OSBPL8: variants seen among roughly 807,000 people sequenced by gnomAD.
OSBPL8 encodes the protein oxysterol-binding protein-related protein 8.
A neutral mutation model predicts 125.5 loss-of-function variants in OSBPL8; 59 were observed. The ratio of observed to expected loss-of-function variants is 0.47; its 90% CI spans 0.38 to 0.58. The LOEUF is 0.58. Ranked by LOEUF, OSBPL8 falls within the 20% of genes least tolerant of loss-of-function variation. The pLI, the probability that OSBPL8 is intolerant of heterozygous loss-of-function variation, is 0.00. For missense variants in OSBPL8, 758 were observed against 1,047.8 expected, an observed-to-expected ratio of 0.72 and a Z score of 3.82; for synonymous variants, 330 against 338.9, an observed-to-expected ratio of 0.97 and a Z score of 0.29.
chr12:76,475,787 A>G (rs1460072131), intron 2 of OSBPL8, among the ~76,000 whole-genome samples: 3 of 152,208 alleles, frequency 2.0e-5, no homozygotes, highest in African/African-American at 7.2e-5. Context: ...GTTGGAAGCC[A>G]GCCATCTTTC....
intron 2 of OSBPL8, among the ~76,000 whole-genome samples, chr12:76,465,217 G>A (rs1875261260): frequency 6.6e-6 from 1 of 152,248 alleles, no homozygotes; most frequent in East Asian, 1.9e-4. Flanking sequence ...ATTTGATCCA[G>A]CAATTCCCCT....
At chr12:76,504,190 T>C (rs867367263) in intron 1 of OSBPL8, among the ~76,000 whole-genome samples, 9 of 152,146 alleles carry the variant, frequency 5.9e-5, no homozygotes, top group Admixed American at 2.0e-4. Flanking sequence ...TCCAGCCTGT[T>C]GACCTACCCT....
intron 4 of OSBPL8, among the ~76,000 whole-genome samples, chr12:76,424,832 T>C (rs1312627515): frequency 2.0e-5 from 3 of 152,128 alleles, no homozygotes; most frequent in African/African-American, 7.2e-5. Flanking sequence ...AAAAGGGGTA[T>C]TTTAAAAAAA....
chr12:76,508,919 G>C (rs1276998293), intron 1 of OSBPL8, among the ~76,000 whole-genome samples: 1 of 152,142 alleles, frequency 6.6e-6, no homozygotes, highest in African/African-American at 2.4e-5. Context: ...AGTATAAGTA[G>C]ATGAGCAGCC....
In OSBPL8 at chr12:76,505,779, G is replaced by A. The variant is rs558800089; in HGVS notation, c.-67-18161C>T. On this transcript the variant is annotated intron_variant, in intron 1 of 23. Coordinates refer to ENST00000261183, the MANE Select transcript of OSBPL8 (RefSeq NM_020841.5). The stretch of plus-strand genomic sequence containing the variant: ...AATAGCAAAGAGACTACTGTGGCAA[G>A]TGGAATAGGGAACAGTAGTGAGCAA... Among the ~76,000 whole-genome samples, 304 of 152,256 alleles carry A rather than the reference G, an allele frequency of 2.0e-3. 2 individuals carry two copies. Among genetic ancestry groups the A allele is most frequent in the African/African-American group, 7.0e-3 (289 of 41,538 alleles).
chr12:76,533,121 T>C (rs969140498), intron 1 of OSBPL8, among the ~76,000 whole-genome samples: 37 of 152,176 alleles, frequency 2.4e-4, no homozygotes, highest in Non-Finnish European at 1.3e-4. Flanking sequence ...GTAAAATCAA[T>C]GTCAGACATA....
chr12:76,483,451 C>T (rs1877763352), intron 2 of OSBPL8, among the ~76,000 whole-genome samples: 1 of 150,572 alleles, frequency 6.6e-6, no homozygotes. Flanking sequence ...GTAATCCCAG[C>T]TACTCGGGAG....
chr12:76,383,886 T>C (rs915062080), intron 15 of OSBPL8, among the ~76,000 whole-genome samples: 3 of 152,162 alleles, frequency 2.0e-5, no homozygotes, highest in Non-Finnish European at 4.4e-5. Context: ...ATCGTAACCA[T>C]ACTTGGATTC....
At chr12:76,493,401 A>C (rs1476990415) in intron 1 of OSBPL8, among the ~76,000 whole-genome samples, 2 of 152,112 alleles carry the variant, frequency 1.3e-5, no homozygotes, top group Non-Finnish European at 2.9e-5. Context: ...ATTTTTTTGT[A>C]AGGCAGGTTT....
intron 2 of OSBPL8, among the ~76,000 whole-genome samples, chr12:76,471,282 C>T (rs1876106772): frequency 6.6e-6 from 1 of 152,194 alleles, no homozygotes; most frequent in African/African-American, 2.4e-5. Flanking sequence ...ATCTCAAACT[C>T]AGTATGTCCA....
intron 8 of OSBPL8, among the ~76,000 whole-genome samples, chr12:76,397,403 A>T (rs995050027): frequency 2.6e-5 from 4 of 151,894 alleles, no homozygotes; most frequent in African/African-American, 9.7e-5. Flanking sequence ...TAAATATAAT[A>T]CAATGTTACA....
Position 76,358,873 on chromosome 12 carries a change from G to A in OSBPL8, c.2329-62C>T. The A allele has an allele frequency of 2.4e-6, 3 of 1,260,402 alleles. No individual in the cohort carries two copies. The South Asian group carries it at 3.6e-5, about 15-fold the overall frequency. The allele number at this position is 1,260,402 out of a possible 1,614,324, so 78.1% of individuals were successfully genotyped here. ...GTATTTTGGACTAAAGACCAACTGT[G>A]TACAATTGTCAAAATTATCTGCACA... On this transcript the variant is annotated intron_variant, in intron 21 of 23. Coordinates refer to ENST00000261183, the MANE Select transcript of OSBPL8 (RefSeq NM_020841.5).
chr12:76,386,041 A>C, intron 14 of OSBPL8, 127 bp downstream of exon 14: 2 of 1,359,412 alleles, frequency 1.5e-6, no homozygotes, highest in Non-Finnish European at 2.0e-6. Flanking sequence ...TAAAAGGTTA[A>C]ATGTTTACCA....
chr12:76,443,488 C>T (rs1477282737), intron 4 of OSBPL8, among the ~76,000 whole-genome samples: 1 of 151,976 alleles, frequency 6.6e-6, no homozygotes, highest in African/African-American at 2.4e-5. Context: ...GAACGCGAGC[C>T]TAATTAATCT....
At chr12:76,411,703 A>G (rs991145809) in intron 4 of OSBPL8, among the ~76,000 whole-genome samples, 7 of 152,070 alleles carry the variant, frequency 4.6e-5, no homozygotes, top group Non-Finnish European at 8.8e-5. Context: ...TCAATACTAA[A>G]AATAAAATGT....
intron 2 of OSBPL8, among the ~76,000 whole-genome samples, chr12:76,466,196 A>G (rs1204562986): frequency 6.6e-6 from 1 of 152,136 alleles, no homozygotes; most frequent in East Asian, 1.9e-4. Context: ...GATTTTACTT[A>G]TATTTTTCTG....
chr12:76,484,047 T>C (rs1333676011), intron 2 of OSBPL8, among the ~76,000 whole-genome samples: 1 of 152,166 alleles, frequency 6.6e-6, no homozygotes, highest in African/African-American at 2.4e-5. Flanking sequence ...TACATAAAAA[T>C]ACTAAATGAC....
At chr12:76,384,195 A>T (rs1272736057) in intron 15 of OSBPL8, 59 bp downstream of exon 15, 47 of 1,002,078 alleles carry the variant, frequency 4.7e-5, no homozygotes, top group Non-Finnish European at 6.5e-5. Context: ...CCTAAATAAA[A>T]GCTCACCAGA....
intron 2 of OSBPL8, among the ~76,000 whole-genome samples, chr12:76,461,325 G>A (rs1161124772): frequency 6.6e-6 from 1 of 152,190 alleles, no homozygotes; most frequent in East Asian, 1.9e-4. Flanking sequence ...AAAGCCAACT[G>A]TCACTTCATA....
Sources: allele counts gnomAD v4.1 joint callset (sites outside exome capture counted in the v4.1 genomes callset), GRCh38; gene constraint gnomAD v4.1.1; transcripts MANE v1.5; gene names NCBI Gene and HGNC (gene_info 2026-07-23, HGNC 2026-07-21).